EHBP1: variants seen among roughly 807,000 people sequenced by gnomAD.
EHBP1 encodes EH domain binding protein 1, also known as EH domain-binding protein 1.
In EHBP1, 55 loss-of-function variants were observed where a neutral mutation model predicts 144.0. That is an observed-to-expected ratio of 0.38 (90% confidence interval 0.31 to 0.48). The LOEUF is 0.48. Ranked by LOEUF, EHBP1 falls within the 20% of genes least tolerant of loss-of-function variation. The pLI is 0.98. For missense variants in EHBP1, 1,200 were observed against 1,364.2 expected (o/e 0.88, Z 1.90); for synonymous variants, 469 against 472.7 (o/e 0.99, Z 0.10).
Position 63,045,278 on chromosome 2 carries a change from C to T in EHBP1, c.3392+98C>T. ...TCCAGAGGTCGCGGGAGGGCCGGGG[C>T]AGCCTCCCACTGGCCTGGTGCTCCC... On this transcript the variant is annotated intron_variant, in intron 22 of 22. Transcript: ENST00000431489. The surrounding 1 kb of genome is among the most constrained non-coding windows in gnomAD (Gnocchi z 5.7). 1 of 1,367,166 alleles carries T rather than the reference C, an allele frequency of 7.3e-7. No individual in the cohort carries two copies. The highest frequency in any genetic ancestry group is 1.0e-6 in the Non-Finnish European group (1 of 981,688). The allele number at this position is 1,367,166 out of a possible 1,614,324, so 84.7% of individuals were successfully genotyped here.
intron 5 of EHBP1, among the ~76,000 whole-genome samples, chr2:62,793,114 G>A (rs1048813830): frequency 6.6e-6 from 1 of 151,844 alleles, no homozygotes; most frequent in African/African-American, 2.4e-5. Flanking sequence ...GGTGCTATTT[G>A]TTTGCATTTA....
intron 7 of EHBP1, among the ~76,000 whole-genome samples, chr2:62,858,022 A>T (rs1200080145): frequency 6.6e-6 from 1 of 152,174 alleles, no homozygotes; most frequent in Non-Finnish European, 1.5e-5. Flanking sequence ...ACAAATGACA[A>T]ATATTTTCTG....
At chr2:62,915,286 G>A (rs2152988509) in intron 10 of EHBP1, among the ~76,000 whole-genome samples, 1 of 152,124 alleles carries the variant, frequency 6.6e-6, no homozygotes, top group African/African-American at 2.4e-5. Flanking sequence ...ATGTATACCA[G>A]AAGAAGAATT....
chr2:62,982,162 C>T (rs1399565658), intron 15 of EHBP1, among the ~76,000 whole-genome samples: 2 of 152,130 alleles, frequency 1.3e-5, no homozygotes, highest in African/African-American at 4.8e-5. Context: ...AGGTAAAATT[C>T]CTCTTGAAAT....
chr2:62,924,383 T>C (rs2055330687), intron 10 of EHBP1, among the ~76,000 whole-genome samples: 1 of 151,928 alleles, frequency 6.6e-6, no homozygotes, highest in South Asian at 2.1e-4. Context: ...CAGAGATAAA[T>C]GAAATTGAGA....
chr2:62,904,090 A>G (rs147865003), intron 10 of EHBP1, among the ~76,000 whole-genome samples: 1 of 152,372 alleles, frequency 6.6e-6, no homozygotes, highest in African/African-American at 2.4e-5. Context: ...TCAAATAACC[A>G]TAAAATATGA....
At chr2:62,889,288 C>T (rs1388126890) in intron 10 of EHBP1, among the ~76,000 whole-genome samples, 2 of 150,774 alleles carry the variant, frequency 1.3e-5, no homozygotes, top group South Asian at 2.1e-4. Flanking sequence ...CTTATAGATG[C>T]TGGATATTAG....
intron 1 of EHBP1, among the ~76,000 whole-genome samples, chr2:62,679,824 G>C (rs2033448059): frequency 6.6e-6 from 1 of 152,172 alleles, no homozygotes; most frequent in African/African-American, 2.4e-5. Context: ...CACCAACAAG[G>C]TGTGTTGTGC....
chr2:63,011,801 G>T (rs1196987074), intron 19 of EHBP1, among the ~76,000 whole-genome samples: 2 of 151,882 alleles, frequency 1.3e-5, no homozygotes, highest in African/African-American at 4.8e-5. Context: ...ATTTTGGCAG[G>T]AGAATTCAGT....
intron 7 of EHBP1, among the ~76,000 whole-genome samples, chr2:62,839,947 C>G (rs1381338699): frequency 1.3e-5 from 2 of 152,136 alleles, no homozygotes; most frequent in East Asian, 3.9e-4. Flanking sequence ...CCATCCCCAT[C>G]AAGGTACCAA....
chr2:62,924,415 A>G (rs968726410), intron 10 of EHBP1, among the ~76,000 whole-genome samples: 4 of 152,246 alleles, frequency 2.6e-5, no homozygotes, highest in African/African-American at 9.6e-5. Context: ...CAGAAGTTCA[A>G]TGAAACAAAA....
intron 15 of EHBP1, chr2:62,987,920 T>C: frequency 7.1e-7 from 1 of 1,401,546 alleles, no homozygotes; most frequent in Non-Finnish European, 1.0e-6. Context: ...TATTGCTACA[T>C]GTTCCTACAG....
At chr2:62,854,548 T>C (rs558275151) in intron 7 of EHBP1, among the ~76,000 whole-genome samples, 1 of 152,250 alleles carries the variant, frequency 6.6e-6, no homozygotes, top group East Asian at 1.9e-4. Context: ...TATTGTTGTG[T>C]CTGAGAAAAT....
chr2:62,859,034 T>C (rs1333615193), intron 7 of EHBP1, 135 bp from the exon 8 acceptor site: 4 of 748,370 alleles, frequency 5.3e-6, no homozygotes, highest in Non-Finnish European at 8.0e-6. Context: ...AATGGCATTC[T>C]GTCATTGGTA....
chr2:62,891,717 A>C (rs1197107581), intron 10 of EHBP1, among the ~76,000 whole-genome samples: 1 of 152,156 alleles, frequency 6.6e-6, no homozygotes, highest in African/African-American at 2.4e-5. Context: ...TTATCATTAA[A>C]GGTGTGTTAG....
chr2:62,991,054 C>T (rs2059393865), intron 16 of EHBP1, among the ~76,000 whole-genome samples: 1 of 151,900 alleles, frequency 6.6e-6, no homozygotes, highest in Non-Finnish European at 1.5e-5. Context: ...TCAAGACCAG[C>T]CTGGGCAACA....
chr2:62,886,678 T>C (rs1354417629), intron 10 of EHBP1, among the ~76,000 whole-genome samples: 1 of 152,230 alleles, frequency 6.6e-6, no homozygotes, highest in Non-Finnish European at 1.5e-5. Flanking sequence ...GTGTATCTGC[T>C]TCTCTCTCTG....
At chr2:62,999,451 A>G (rs2059765658) in intron 19 of EHBP1, among the ~76,000 whole-genome samples, 2 of 152,098 alleles carry the variant, frequency 1.3e-5, no homozygotes. Context: ...CATCACCCTA[A>G]ACATGAATTC....
intron 19 of EHBP1, among the ~76,000 whole-genome samples, chr2:63,030,368 C>T (rs533385510): frequency 6.6e-6 from 1 of 152,076 alleles, no homozygotes; most frequent in Admixed American, 6.6e-5. Flanking sequence ...TGTATAAATG[C>T]TTATAAATAT....
Sources: allele counts gnomAD v4.1 joint callset (sites outside exome capture counted in the v4.1 genomes callset), GRCh38; gene constraint gnomAD v4.1.1; non-coding constraint Gnocchi (gnomAD v3.1); transcripts MANE v1.5; gene names NCBI Gene and HGNC (gene_info 2026-07-23, HGNC 2026-07-21).